ZZZ3: variants seen among roughly 807,000 people sequenced by gnomAD.
ZZZ3 encodes the protein zinc finger ZZ-type containing 3, also known as ZZ-type zinc finger-containing protein 3.
ZZZ3 carries 22 observed loss-of-function variants against 95.2 expected under a neutral mutation model. The ratio of observed to expected loss-of-function variants is 0.23; its 90% CI spans 0.17 to 0.33. The LOEUF is 0.33. Ranked by LOEUF, ZZZ3 falls within the 10% of genes least tolerant of loss-of-function variation. The probability of loss-of-function intolerance (pLI) is 1.00; values close to 1 mark genes in which losing one functional copy is unlikely to be tolerated. For synonymous variants in ZZZ3, 335 were observed against 358.9 expected, an observed-to-expected ratio of 0.93 and a Z score of 0.75; for missense variants, 885 against 1,066.5, an observed-to-expected ratio of 0.83 and a Z score of 2.37.
At chr1:77,575,886 A>G (rs1661881644) in intron 12 of ZZZ3, among the ~76,000 whole-genome samples, 182 bp downstream of exon 12, 1 of 152,236 alleles carries the variant, frequency 6.6e-6, no homozygotes, top group African/African-American at 2.4e-5. Context: ...GTTAAGGTTC[A>G]TTATACTATT....
At chr1:77,676,794 T>C (rs1362851070) in intron 1 of ZZZ3, among the ~76,000 whole-genome samples, 1 of 151,890 alleles carries the variant, frequency 6.6e-6, no homozygotes, top group Non-Finnish European at 1.5e-5. Flanking sequence ...GATTAAAATG[T>C]AAAAATGAAG....
chr1:77,628,728 T>C (rs1482111893), intron 5 of ZZZ3, among the ~76,000 whole-genome samples: 2 of 152,250 alleles, frequency 1.3e-5, no homozygotes, highest in Non-Finnish European at 2.9e-5. Flanking sequence ...CACAGAGTTA[T>C]GTCCTCCTGG....
chr1:77,646,876 G>A (rs932690728), intron 1 of ZZZ3, among the ~76,000 whole-genome samples: 1 of 152,188 alleles, frequency 6.6e-6, no homozygotes, highest in Non-Finnish European at 1.5e-5. Flanking sequence ...AATGAAGTGA[G>A]GAGTTTAGGG....
At chr1:77,585,735 G>A (rs967549065) in intron 5 of ZZZ3, among the ~76,000 whole-genome samples, 1 of 152,114 alleles carries the variant, frequency 6.6e-6, no homozygotes, top group Non-Finnish European at 1.5e-5. Flanking sequence ...TTTTCTAAAG[G>A]AATAGATATT....
intron 1 of ZZZ3, among the ~76,000 whole-genome samples, chr1:77,658,839 A>G (rs1252298561): frequency 1.3e-5 from 2 of 152,198 alleles, no homozygotes; most frequent in Admixed American, 6.5e-5. Flanking sequence ...AAACAGACTT[A>G]TTGGGTCACA....
At position 77,632,289 on chromosome 1, in the gene ZZZ3, G is replaced by A. The variant is rs763631835; in HGVS notation, c.1066C>T (p.Pro356Ser). ...TGAGCTGAAACACAGTCTAGAACAG[G>A]AGATGGTTCAGGTTCTCCGGAGGCT... ...MPASGEPEPS[P>S]VLDCVSAQMM... Residue 356 changes from proline (P) to serine (S), a missense_variant, in exon 5 of 15, where the codon CCT becomes TCT. Physicochemically the swap from Pro to Ser is moderately conservative, Grantham distance 74. Coordinates refer to ENST00000370801, the MANE Select transcript of ZZZ3 (RefSeq NM_015534.6). 2 of 1,614,144 alleles carry A rather than the reference G, an allele frequency of 1.2e-6. No individual in the cohort carries two copies. The highest frequency in any genetic ancestry group is 1.7e-6 in the Non-Finnish European group (2 of 1,180,026).
intron 1 of ZZZ3, among the ~76,000 whole-genome samples, chr1:77,671,376 A>G (rs1671772188): frequency 6.6e-6 from 1 of 152,084 alleles, no homozygotes; most frequent in Non-Finnish European, 1.5e-5. Flanking sequence ...GAAAATTCAA[A>G]TGTCACTGTA....
intron 5 of ZZZ3, among the ~76,000 whole-genome samples, chr1:77,600,680 A>C (rs1195070623): frequency 1.3e-5 from 2 of 152,122 alleles, no homozygotes; most frequent in African/African-American, 4.8e-5. Context: ...AACAGAAGAG[A>C]TAACATGCAG....
At chr1:77,579,738 C>T (rs923730253) in intron 9 of ZZZ3, 110 bp from the exon 10 acceptor site, 3 of 634,020 alleles carry the variant, frequency 4.7e-6, no homozygotes, top group East Asian at 7.0e-5. Context: ...CTCTCTCCCA[C>T]CTTTGGGGGT....
intron 5 of ZZZ3, among the ~76,000 whole-genome samples, chr1:77,613,377 C>T (rs1665996479): frequency 6.6e-6 from 1 of 151,392 alleles, no homozygotes; most frequent in African/African-American, 2.4e-5. Context: ...AAGACTAGGT[C>T]TTAAAAAGCA....
intron 5 of ZZZ3, among the ~76,000 whole-genome samples, chr1:77,615,976 A>G (rs1666271452): frequency 6.6e-6 from 1 of 152,114 alleles, no homozygotes; most frequent in African/African-American, 2.4e-5. Context: ...TTTTAATCAC[A>G]ATTTTAAAAG....
chr1:77,623,632 T>C (rs1667080602), intron 5 of ZZZ3, among the ~76,000 whole-genome samples: 1 of 152,108 alleles, frequency 6.6e-6, no homozygotes. Flanking sequence ...TAACTGCCTG[T>C]CAGAACAAAT....
At chr1:77,668,870 C>A (rs982989802) in intron 1 of ZZZ3, among the ~76,000 whole-genome samples, 30 of 152,278 alleles carry the variant, frequency 2.0e-4, no homozygotes, top group Middle Eastern at 3.4e-3. Flanking sequence ...TTCTCTTCAA[C>A]TTTTAGGAGA....
chr1:77,590,495 AGAG>A (rs961324718), intron 5 of ZZZ3, among the ~76,000 whole-genome samples: 9 of 152,368 alleles, frequency 5.9e-5, no homozygotes, highest in African/African-American at 2.2e-4. Context: ...ATAATGACAA[AGAG>A]GAGGAGCTGC....
chr1:77,672,869 G>A (rs2101063545), intron 1 of ZZZ3, among the ~76,000 whole-genome samples: 1 of 152,242 alleles, frequency 6.6e-6, no homozygotes, highest in East Asian at 1.9e-4. Flanking sequence ...AGGAGATAAT[G>A]TTCCCCTATT....
chr1:77,577,100 G>A (rs900581688), intron 11 of ZZZ3, among the ~76,000 whole-genome samples: 2 of 152,162 alleles, frequency 1.3e-5, no homozygotes, highest in African/African-American at 4.8e-5. Flanking sequence ...TGCCTGTCTT[G>A]ATCAATAGCA....
intron 11 of ZZZ3, among the ~76,000 whole-genome samples, chr1:77,576,788 A>T (rs1662004237): frequency 6.6e-6 from 1 of 151,844 alleles, no homozygotes; most frequent in Non-Finnish European, 1.5e-5. Context: ...AACAAAAAAA[A>T]AATTTCTTGT....
chr1:77,585,427 C>T (rs1662989911), intron 5 of ZZZ3, among the ~76,000 whole-genome samples: 1 of 152,186 alleles, frequency 6.6e-6, no homozygotes, highest in Admixed American at 6.5e-5. Context: ...TCCTGCCTCT[C>T]TAATATTTAA....
At chr1:77,663,752 AT>A (rs778252990) in intron 1 of ZZZ3, among the ~76,000 whole-genome samples, 4,158 of 142,536 alleles carry the variant, frequency 0.029, 56 homozygotes, top group Middle Eastern at 0.082. Context: ...AGTAAACCCT[AT>A]TTTTTTTTTT....
Sources: gnomAD v4.1 joint callset for allele counts (sites outside exome capture counted in the v4.1 genomes callset) on GRCh38, gnomAD v4.1.1 for gene constraint, MANE v1.5 for transcripts, NCBI Gene and HGNC (gene_info 2026-07-23, HGNC 2026-07-21) for gene names.